OR6J1: variants seen among roughly 807,000 people sequenced by gnomAD.
The protein encoded by OR6J1 is olfactory receptor 6J1.
For synonymous variants in OR6J1, 109 were observed against 70.0 expected (o/e 1.56, Z -2.78); for missense variants, 304 against 166.8 (o/e 1.82, Z -4.53).
At position 22,634,790 on chromosome 14, in the gene OR6J1, C is replaced by T. The variant is rs2037572709; in HGVS notation, c.22G>A (p.Val8Met). The T allele has an allele frequency of 2.9e-6, 2 of 694,232 alleles. No homozygotes were observed. The highest frequency in any genetic ancestry group is 3.0e-5 in the South Asian group (2 of 65,662). 43.0% of individuals were successfully genotyped at this position (694,232 alleles called of 1,614,324 possible). The change falls in exon 2 of 2, where the codon GTG becomes ATG. Residue 8 changes from valine (V) to methionine (M), a missense_variant. Transcript: ENST00000540461. ...AACCCCAGCAGAACAAACTCAGTCA[C>T]CGCTGCAGTCCAGTTACCCATGGGC... MGNWTAA[V>M]TEFVLLGFSL... is the part of the protein sequence containing the mutation.
chr14:22,639,258 C>T (rs1352441724), intron 1 of OR6J1, among the ~76,000 whole-genome samples: 1 of 127,046 alleles, frequency 7.9e-6, no homozygotes, highest in Non-Finnish European at 1.6e-5. Flanking sequence ...CCCGCCAGGC[C>T]AGCCGCCCCG....
chr14:22,642,451 GC>G (rs1327807127), intron 1 of OR6J1, among the ~76,000 whole-genome samples: 1 of 151,280 alleles, frequency 6.6e-6, no homozygotes, highest in Non-Finnish European at 1.5e-5. Context: ...CGATTCTCCT[GC>G]CTCAGCCTCC....
At chr14:22,634,868 G>C in intron 1 of OR6J1, 30 bp from the exon 2 acceptor site, 1 of 613,294 alleles carries the variant, frequency 1.6e-6, no homozygotes, top group Non-Finnish European at 2.9e-6. Flanking sequence ...TAACACTTAA[G>C]AGAGTGTTCA....
At position 22,634,386 on chromosome 14, in the gene OR6J1, C is replaced by T; in HGVS notation, c.426G>A (p.Gly142=). The T allele has an allele frequency of 2.8e-6, 2 of 703,318 alleles. No homozygotes were observed. Among genetic ancestry groups the T allele is most frequent in the Non-Finnish European group, 5.2e-6 (2 of 384,976 alleles). The allele number at this position is 703,318 out of a possible 1,614,324, so 43.6% of individuals were successfully genotyped here. Residue 142 remains glycine (G), a synonymous_variant, in exon 2 of 2, where the codon GGG becomes GGA. Transcript: ENST00000540461. The stretch of plus-strand genomic sequence containing the variant: ...CTCCCACCCAAGAGAATACAACGGT[C>T]CCAATGCAGACAGAAGGTCTCATGA... The part of the protein sequence containing the change: ...TTIMRPSVCI[G]TVVFSWVGGF...
At chr14:22,636,977 C>T (rs1209601000) in intron 1 of OR6J1, among the ~76,000 whole-genome samples, 6 of 126,822 alleles carry the variant, frequency 4.7e-5, no homozygotes, top group Non-Finnish European at 9.6e-5. Flanking sequence ...AGGAGCGCCT[C>T]TTCCCGGCCG....
Position 22,634,057 on chromosome 14 carries a change from C to T in OR6J1, c.755G>A (p.Gly252Asp). 1 of 702,878 alleles carries T rather than the reference C, an allele frequency of 1.4e-6. No individual in the cohort carries two copies. 43.5% of individuals were successfully genotyped at this position (702,878 alleles called of 1,614,324 possible). The part of the protein sequence containing the change: ...SHLTIVIISS[G>D]ITVFIYVTPS... Reference sequence around the variant, plus strand: ...AGTCACATAGATAAACACAGTGATGCCACTAGAAATGATGACTATGGTCAG... The same window carrying T: ...AGTCACATAGATAAACACAGTGATGTCACTAGAAATGATGACTATGGTCAG... The change falls in exon 2 of 2, where the codon GGC becomes GAC. Residue 252 changes from glycine (G) to aspartate (D), a missense_variant. Transcript: ENST00000540461.
chr14:22,631,468 T>G lies in OR6J1; in HGVS notation c.*2300A>C, dbSNP rs1339954720. ...ATTTGCTTTTGAAAGAAGAGAAATA[T>G]GGCTCTGTTCCCCCCGGCTCACCAG... On this transcript the variant is annotated 3_prime_UTR_variant, in exon 2 of 2. Coordinates refer to ENST00000540461, the MANE Select transcript of OR6J1 (RefSeq NM_001348233.2). 6.6e-6 allele frequency: 1 copy of G among 152,230 alleles called. No individual in the cohort carries two copies. Among genetic ancestry groups the G allele is most frequent in the Non-Finnish European group, 1.5e-5 (1 of 68,044 alleles). 9.4% of individuals were successfully genotyped at this position (152,230 alleles called of 1,614,324 possible).
At chr14:22,640,059 A>C (rs974440626) in intron 1 of OR6J1, among the ~76,000 whole-genome samples, 6 of 151,796 alleles carry the variant, frequency 4.0e-5, no homozygotes, top group African/African-American at 1.5e-4. Flanking sequence ...TTGGAAAATA[A>C]TTTGTCATTA....
intron 1 of OR6J1, among the ~76,000 whole-genome samples, chr14:22,643,364 T>A (rs1002211168): frequency 1.3e-5 from 2 of 151,900 alleles, no homozygotes; most frequent in Non-Finnish European, 2.9e-5. Flanking sequence ...GGTGCAATCA[T>A]AACTCACTAC....
At chr14:22,640,462 A>G (rs80333776) in intron 1 of OR6J1, among the ~76,000 whole-genome samples, 2,702 of 149,030 alleles carry the variant, frequency 0.018, 121 homozygotes, top group African/African-American at 0.064. Flanking sequence ...AATAAACTTC[A>G]GCTCAACCAA....
chr14:22,633,628 G>C lies in OR6J1; in HGVS notation c.*140C>G, dbSNP rs1441238612. Reference sequence around the variant, plus strand: ...AGAGTACTGAGAGTCAGAATGGCTGGTGACACAGCTGCGGTCACAGATTAA... The same window carrying C: ...AGAGTACTGAGAGTCAGAATGGCTGCTGACACAGCTGCGGTCACAGATTAA... On this transcript the variant is annotated 3_prime_UTR_variant, in exon 2 of 2. Transcript: ENST00000540461. 7 of 595,214 alleles carry C rather than the reference G, an allele frequency of 1.2e-5. No individual in the cohort carries two copies. In the South Asian group the frequency reaches 1.5e-4, roughly 12 times the overall value. The allele number at this position is 595,214 out of a possible 1,614,324, so 36.9% of individuals were successfully genotyped here.
rs1162599705 is a variant in OR6J1 at position 22,638,848 on chromosome 14, G to A, written c.-27-4010C>T. ...AGTCTGGAAAGTGAGGAGCGTCTCC[G>A]CCCGGCCGCCATCCCATCTAGGAAG... On this transcript the variant is annotated intron_variant, in intron 1 of 1. Coordinates refer to ENST00000540461, the MANE Select transcript of OR6J1 (RefSeq NM_001348233.2). 1.2e-4 allele frequency among the ~76,000 whole-genome samples: 11 copies of A among 94,420 alleles called. 1 individual carries two copies. Among genetic ancestry groups the A allele is most frequent in the East Asian group, 5.3e-4 (2 of 3,756 alleles). 61.9% of individuals were successfully genotyped at this position (94,420 alleles called of 152,430 possible). A position where few individuals can be genotyped will look rare whatever the true frequency, so the allele number is the denominator to read the frequency against.
intron 1 of OR6J1, among the ~76,000 whole-genome samples, chr14:22,637,691 T>C (rs1594902404): frequency 1.8e-5 from 1 of 55,462 alleles, no homozygotes; most frequent in Non-Finnish European, 3.4e-5. Flanking sequence ...GTGGGGGGGG[T>C]CAGCCCCCCG....
chr14:22,643,674 C>A (rs1212658250), intron 1 of OR6J1, among the ~76,000 whole-genome samples: 3 of 148,050 alleles, frequency 2.0e-5, no homozygotes, highest in Non-Finnish European at 4.5e-5. Context: ...GAGAAAAGGC[C>A]ACAGCCCCAA....
At chr14:22,640,224 G>GGAA (rs1566397153) in intron 1 of OR6J1, among the ~76,000 whole-genome samples, 4 of 96,838 alleles carry the variant, frequency 4.1e-5, no homozygotes, top group Non-Finnish European at 6.5e-5. Flanking sequence ...GAGGGAGGGA[G>GGAA]GGAGGGAAGG....
chr14:22,637,557 G>C (rs1450971983), intron 1 of OR6J1, among the ~76,000 whole-genome samples: 1 of 38,868 alleles, frequency 2.6e-5, no homozygotes, highest in Non-Finnish European at 5.0e-5. Flanking sequence ...CCCCCTGCCC[G>C]GCCAGCCGCC....
rs11157709 is a variant in OR6J1, at chr14:22,631,869, G to A, written c.*1899C>T. The A allele has an allele frequency of 0.062, 9,411 of 152,564 alleles. 615 individuals carry two copies. The highest frequency in any genetic ancestry group is 0.17 in the African/African-American group (6,884 of 41,512). The allele number at this position is 152,564 out of a possible 1,614,324, so 9.5% of individuals were successfully genotyped here. A position where few individuals can be genotyped will look rare whatever the true frequency, so the allele number is the denominator to read the frequency against. On this transcript the variant is annotated 3_prime_UTR_variant, in exon 2 of 2. Transcript: ENST00000540461. The stretch of plus-strand genomic sequence containing the variant: ...AATCCTCCAGTCAGGGAATACTCGG[G>A]CCTTTCCCTTTTTTTCTACTATGAA...
intron 1 of OR6J1, among the ~76,000 whole-genome samples, chr14:22,641,269 G>GA (rs2037646230): frequency 1.1e-5 from 1 of 95,176 alleles, no homozygotes; most frequent in Non-Finnish European, 2.1e-5. Flanking sequence ...AAGAAAGAAA[G>GA]GAAGGAAGGA....
intron 1 of OR6J1, among the ~76,000 whole-genome samples, chr14:22,635,656 T>C (rs1594901412): frequency 6.6e-6 from 1 of 152,082 alleles, no homozygotes; most frequent in African/African-American, 2.4e-5. Context: ...TGGAACAAAA[T>C]ACAGAGCCAA....
Sources: gnomAD v4.1 joint callset for allele counts (sites outside exome capture counted in the v4.1 genomes callset) on GRCh38, gnomAD v4.1.1 for gene constraint, MANE v1.5 for transcripts, NCBI Gene and HGNC (gene_info 2026-07-23, HGNC 2026-07-21) for gene names.